NRG1: variants seen among roughly 807,000 people sequenced by gnomAD.
The protein encoded by NRG1 is pro-neuregulin-1, membrane-bound isoform.
NRG1 carries 18 observed loss-of-function variants against 63.8 expected under a neutral mutation model. The ratio of observed to expected loss-of-function variants is 0.28; its 90% CI spans 0.19 to 0.42. The LOEUF (loss-of-function observed/expected upper bound fraction) is 0.42. Among genes scored for constraint, NRG1 ranks in the 10% least tolerant of loss-of-function variants. The pLI is 1.00. For synonymous variants in NRG1, 302 were observed against 301.3 expected (o/e 1.00, Z -0.02); for missense variants, 762 against 814.7 (o/e 0.94, Z 0.79).
At chr8:31,840,557 C>T (rs377231775) in intron 1 of NRG1, among the ~76,000 whole-genome samples, 10 of 152,180 alleles carry the variant, frequency 6.6e-5, no homozygotes, top group South Asian at 4.1e-4. Context: ...ACTCTTACCT[C>T]GCACTAGTTA....
In NRG1 at chr8:32,742,003, TC is replaced by T; in HGVS notation, c.633-671del. The T allele has an allele frequency of 6.2e-7, 1 of 1,613,040 alleles. No individual in the cohort carries two copies. Among genetic ancestry groups the T allele is most frequent in the Non-Finnish European group, 8.5e-7 (1 of 1,179,272 alleles). On this transcript the variant is annotated intron_variant, in intron 6 of 11. Coordinates refer to ENST00000356819, the Ensembl canonical transcript of NRG1. This position sits in a 1 kb window ranked among gnomAD's most constrained non-coding sequence, Gnocchi z 4.2. The stretch of plus-strand genomic sequence containing the variant: ...TTTTTTGCTTACCACATTTTTGCCC[TC>T]TAGGTGCCAACCTGGATTCACTGGA...
intron 1 of NRG1, among the ~76,000 whole-genome samples, chr8:31,923,823 A>G (rs1185643024): frequency 6.6e-6 from 1 of 152,086 alleles, no homozygotes; most frequent in Non-Finnish European, 1.5e-5. Context: ...AGGAAGGCAC[A>G]TTGTACCCAC....
chr8:32,027,230 T>C (rs931917276), intron 1 of NRG1, among the ~76,000 whole-genome samples: 1 of 152,170 alleles, frequency 6.6e-6, no homozygotes, highest in Non-Finnish European at 1.5e-5. Flanking sequence ...TTATGTTTCT[T>C]GTGATAATTT....
In NRG1 at chr8:31,839,115, G is replaced by A. The variant is rs562920735; in HGVS notation, c.37+199684G>A. On this transcript the variant is annotated intron_variant, in intron 1 of 10. Coordinates refer to the NRG1 transcript ENST00000519301. ...TTAAACATCTATGATAATAATTTGA[G>A]GTCTCCATAGGTTTATTAATATCAT... Among the ~76,000 whole-genome samples, 10 of 152,188 alleles carry A rather than the reference G, an allele frequency of 6.6e-5. No homozygotes were observed. In the South Asian group the frequency reaches 2.1e-3, roughly 32 times the overall value.
intron 1 of NRG1, among the ~76,000 whole-genome samples, chr8:32,370,910 A>G (rs1005140699): frequency 6.7e-6 from 1 of 149,710 alleles, no homozygotes. Context: ...AAACTGTCTC[A>G]TGATGAAATG....
intron 1 of NRG1, among the ~76,000 whole-genome samples, chr8:31,986,467 C>T (rs1042880087): frequency 6.6e-5 from 10 of 152,024 alleles, no homozygotes; most frequent in African/African-American, 1.7e-4. Context: ...TTCATACAAC[C>T]GGTAAAGGGT....
chr8:31,733,394 A>T (rs1814318509), intron 1 of NRG1, among the ~76,000 whole-genome samples: 1 of 152,144 alleles, frequency 6.6e-6, no homozygotes, highest in Non-Finnish European at 1.5e-5. Context: ...TCTTTACAAA[A>T]TCCTGCCACT....
At chr8:32,401,225 G>T (rs1046633540) in intron 1 of NRG1, among the ~76,000 whole-genome samples, 2 of 151,934 alleles carry the variant, frequency 1.3e-5, no homozygotes, top group Non-Finnish European at 2.9e-5. Context: ...GAAATAACCT[G>T]TACACCAAAG....
At chr8:31,994,023 G>A (rs1811510970) in intron 1 of NRG1, among the ~76,000 whole-genome samples, 1 of 151,966 alleles carries the variant, frequency 6.6e-6, no homozygotes, top group South Asian at 2.1e-4. Flanking sequence ...GTACTGATAG[G>A]ATGGGTCAAT....
At chr8:31,927,772 A>G (rs1376762729) in intron 1 of NRG1, among the ~76,000 whole-genome samples, 1 of 150,706 alleles carries the variant, frequency 6.6e-6, no homozygotes. Flanking sequence ...AAGATCTGAG[A>G]GTGTGAATCT....
At chr8:31,654,484 C>G (rs910989137) in intron 1 of NRG1, among the ~76,000 whole-genome samples, 1 of 152,232 alleles carries the variant, frequency 6.6e-6, no homozygotes, top group Non-Finnish European at 1.5e-5. Context: ...AATCATGATA[C>G]GTGTAATGTG....
chr8:31,686,382 T>C (rs1158328166), intron 1 of NRG1, among the ~76,000 whole-genome samples: 1 of 152,200 alleles, frequency 6.6e-6, no homozygotes, highest in Non-Finnish European at 1.5e-5. Flanking sequence ...AAAAATGGCC[T>C]GGAATCTTCT....
chr8:32,766,715 CAA>C (rs988753657), exon 12 of NRG1: 3 of 152,118 alleles, frequency 2.0e-5, no homozygotes, highest in Non-Finnish European at 2.9e-5. Flanking sequence ...AAATTGAAGA[CAA>C]GAGGAAATTG....
In NRG1 at chr8:31,755,779, T is replaced by G. The variant is rs565527635; in HGVS notation, c.37+116348T>G. Among the ~76,000 whole-genome samples, 6 of 152,190 alleles carry G rather than the reference T, an allele frequency of 3.9e-5. No individual in the cohort carries two copies. In the East Asian group the frequency reaches 7.8e-4, roughly 20 times the overall value. On this transcript the variant is annotated intron_variant, in intron 1 of 10. Coordinates refer to the NRG1 transcript ENST00000519301. ...TCCACTGTTATGAGAGAGAGAGAAT[T>G]CCTACTCTGCATTCTACCCCATCAC...
chr8:32,359,236 A>G (rs566202690), intron 1 of NRG1, among the ~76,000 whole-genome samples: 1 of 152,208 alleles, frequency 6.6e-6, no homozygotes, highest in Non-Finnish European at 1.5e-5. Context: ...TTAATTAGAT[A>G]AGGAAAGCAT....
intron 1 of NRG1, among the ~76,000 whole-genome samples, chr8:32,046,951 C>T (rs967489159): frequency 6.6e-5 from 10 of 152,014 alleles, no homozygotes; most frequent in African/African-American, 2.4e-4. Flanking sequence ...AAAAAGTCTT[C>T]CCAATGCTTG....
chr8:32,313,171 T>C (rs1356526169), intron 1 of NRG1, among the ~76,000 whole-genome samples: 1 of 152,252 alleles, frequency 6.6e-6, no homozygotes, highest in East Asian at 1.9e-4. Flanking sequence ...ATTCACATGA[T>C]TTAGGAAATT....
chr8:32,323,978 C>A (rs1167920412), intron 1 of NRG1, among the ~76,000 whole-genome samples: 1 of 152,134 alleles, frequency 6.6e-6, no homozygotes, highest in Non-Finnish European at 1.5e-5. Context: ...ATCTGCCTCT[C>A]ACAACAATCG....
chr8:32,296,157 A>G (rs779115175), intron 1 of NRG1, among the ~76,000 whole-genome samples: 17 of 152,138 alleles, frequency 1.1e-4, no homozygotes, highest in Non-Finnish European at 2.4e-4. Context: ...TGAGAAGTGC[A>G]GTCATTGAAG....
Sources: gnomAD v4.1 joint callset for allele counts (sites outside exome capture counted in the v4.1 genomes callset) on GRCh38, gnomAD v4.1.1 for gene constraint, Gnocchi (gnomAD v3.1) non-coding constraint, MANE v1.5 for transcripts, NCBI Gene and HGNC (gene_info 2026-07-23, HGNC 2026-07-21) for gene names.